OCIAD1: variants seen among roughly 807,000 people sequenced by gnomAD.
The protein encoded by OCIAD1 is OCIA domain-containing protein 1.
In OCIAD1, 29 loss-of-function variants were observed where a neutral mutation model predicts 38.9. The observed-to-expected ratio is 0.74, with a 90% confidence interval of 0.55 to 1.02. OCIAD1 has a LOEUF of 1.02. OCIAD1 is among the 50% of genes least tolerant of loss of function. The pLI is 0.00. For synonymous variants in OCIAD1, 110 were observed against 92.0 expected (o/e 1.20, Z -1.12); for missense variants, 288 against 289.6 (o/e 0.99, Z 0.04).
chr4:48,818,748 A>G lies in OCIAD1; in HGVS notation c.-102-11829A>G, dbSNP rs754665494. Among the ~76,000 whole-genome samples, 11 of 152,206 alleles carry G rather than the reference A, an allele frequency of 7.2e-5. No individual in the cohort carries two copies. The South Asian group carries it at 1.7e-3, about 23-fold the overall frequency. ...AACATAAATGACCTTATGGAGCTGAAAAACACAGCAGGAGAACTTTGTGAA... is the reference window on the plus strand; with the variant it reads ...AACATAAATGACCTTATGGAGCTGAGAAACACAGCAGGAGAACTTTGTGAA... On this transcript the variant is annotated intron_variant, in intron 1 of 6. Coordinates refer to the OCIAD1 transcript ENST00000504654.
chr4:48,832,590 A>G (rs768095346), intron 1 of OCIAD1, 30 bp from the exon 2 acceptor site: 2 of 1,560,654 alleles, frequency 1.3e-6, no homozygotes, highest in Non-Finnish European at 1.8e-6. Flanking sequence ...GATAGTTTCT[A>G]ATACTTAATA....
At chr4:48,838,387 A>T (rs529052682) in intron 3 of OCIAD1, among the ~76,000 whole-genome samples, 2 of 152,152 alleles carry the variant, frequency 1.3e-5, no homozygotes, top group Non-Finnish European at 2.9e-5. Context: ...ATTTTATACC[A>T]TATCTACATT....
intron 7 of OCIAD1, 146 bp downstream of exon 7, chr4:48,852,121 C>T: frequency 1.6e-6 from 1 of 620,146 alleles, no homozygotes; most frequent in South Asian, 2.5e-5. Flanking sequence ...TCATTTGTTT[C>T]TTCATTCATT....
intron 3 of OCIAD1, among the ~76,000 whole-genome samples, chr4:48,836,175 AC>A (rs1263334029): frequency 2.0e-5 from 3 of 152,308 alleles, no homozygotes; most frequent in African/African-American, 4.8e-5. Flanking sequence ...TTTGGCAGTA[AC>A]TTAGGCATAT....
intron 5 of OCIAD1, among the ~76,000 whole-genome samples, chr4:48,849,172 A>C (rs1193037786): frequency 6.6e-6 from 1 of 152,168 alleles, no homozygotes; most frequent in Admixed American, 6.5e-5. Context: ...GGAGGGATAG[A>C]ATTAGGAGAT....
rs1175254851 is a variant in OCIAD1, at chr4:48,842,624, T to G, written c.140-12T>G. ...TTTTGTTGATGTTAACAAGGTCTTT[T>G]TCTTCCTATAGCTGTGCCTTTGGCT... On this transcript the variant is annotated splice_polypyrimidine_tract_variant and intron_variant, in intron 3 of 8. Coordinates refer to ENST00000264312, the MANE Select transcript of OCIAD1 (RefSeq NM_017830.4). 6.4e-7 allele frequency: 1 copy of G among 1,559,660 alleles called. No homozygotes were observed. Among genetic ancestry groups the G allele is most frequent in the Non-Finnish European group, 8.7e-7 (1 of 1,151,358 alleles).
intron 1 of OCIAD1, among the ~76,000 whole-genome samples, chr4:48,812,229 G>A (rs1247809615): frequency 8.3e-6 from 1 of 120,068 alleles, no homozygotes; most frequent in African/African-American, 3.2e-5. Flanking sequence ...GTTGCAGTGA[G>A]CCGAAATCAT....
chr4:48,853,765 TA>T (rs1287955297), intron 7 of OCIAD1, among the ~76,000 whole-genome samples: 2 of 152,170 alleles, frequency 1.3e-5, no homozygotes, highest in Admixed American at 1.3e-4. Context: ...TTAGTGCCAA[TA>T]TAGAACATTT....
chr4:48,851,066 G>A (rs984345599), intron 6 of OCIAD1, among the ~76,000 whole-genome samples: 1 of 152,180 alleles, frequency 6.6e-6, no homozygotes, highest in Non-Finnish European at 1.5e-5. Flanking sequence ...TAAACAGATA[G>A]GCAAGCAATA....
At chr4:48,851,633 G>A (rs998225637) in intron 6 of OCIAD1, among the ~76,000 whole-genome samples, 173 bp from the exon 7 acceptor site, 3 of 151,874 alleles carry the variant, frequency 2.0e-5, no homozygotes, top group Non-Finnish European at 2.9e-5. Flanking sequence ...CCAAGACTGC[G>A]TCACTGCACT....
chr4:48,840,940 C>T (rs563034455), intron 3 of OCIAD1, among the ~76,000 whole-genome samples: 166 of 152,160 alleles, frequency 1.1e-3, no homozygotes, highest in African/African-American at 3.4e-3. Context: ...TCATCTGAGC[C>T]GGCAGGTTGA....
At chr4:48,833,631 A>C in intron 3 of OCIAD1, 150 bp downstream of exon 3, 1 of 568,948 alleles carries the variant, frequency 1.8e-6, no homozygotes, top group Non-Finnish European at 3.1e-6. Context: ...GAGATTAAGG[A>C]GATAAAGGAA....
chr4:48,852,882 G>GTTTTTTGTTTTTGTTTTTTTT (rs1553901200), intron 7 of OCIAD1, among the ~76,000 whole-genome samples: 1 of 126,308 alleles, frequency 7.9e-6, no homozygotes, highest in Non-Finnish European at 1.7e-5. Flanking sequence ...TTTGTTTTTT[G>GTTTTTTGTTTTTGTTTTTTTT]TTTTTTTTTT....
chr4:48,831,369 C>A, intron 1 of OCIAD1, 120 bp downstream of exon 1: 1 of 578,932 alleles, frequency 1.7e-6, no homozygotes, highest in African/African-American at 1.9e-5. Context: ...GTGGACAGAT[C>A]GCGCTCGGGT....
intron 4 of OCIAD1, among the ~76,000 whole-genome samples, chr4:48,847,326 C>T (rs1480193629): frequency 6.6e-6 from 1 of 152,096 alleles, no homozygotes; most frequent in Non-Finnish European, 1.5e-5. Context: ...TGAGACTTCT[C>T]TGTATACTTT....
At chr4:48,837,854 TTAACAATC>T (rs1201442778) in intron 3 of OCIAD1, among the ~76,000 whole-genome samples, 1 of 152,084 alleles carries the variant, frequency 6.6e-6, no homozygotes, top group African/African-American at 2.4e-5. Flanking sequence ...CTGCAGGTGT[TTAACAATC>T]TAAATAGCTG....
upstream of OCIAD1, chr4:48,830,656 G>A (rs888476837): frequency 6.6e-6 from 1 of 152,118 alleles, no homozygotes; most frequent in South Asian, 2.1e-4. Flanking sequence ...GGATCAAGAG[G>A]GTGTGACAAA....
chr4:48,853,028 C>G (rs1374201110), intron 7 of OCIAD1, among the ~76,000 whole-genome samples: 1 of 151,372 alleles, frequency 6.6e-6, no homozygotes, highest in African/African-American at 2.4e-5. Flanking sequence ...TGCAGGTGCC[C>G]GCCACCACGC....
At chr4:48,855,338 T>C (rs1242043456) in intron 7 of OCIAD1, among the ~76,000 whole-genome samples, 1 of 152,226 alleles carries the variant, frequency 6.6e-6, no homozygotes, top group Non-Finnish European at 1.5e-5. Context: ...TAATTACTTA[T>C]TACTAATGAA....
Sources: allele counts gnomAD v4.1 joint callset (sites outside exome capture counted in the v4.1 genomes callset), GRCh38; gene constraint gnomAD v4.1.1; transcripts MANE v1.5; gene names NCBI Gene and HGNC (gene_info 2026-07-23, HGNC 2026-07-21).